The following LDB2 variants were observed in gnomAD, a reference collection of about 807,000 sequenced individuals.
LDB2 encodes the protein LIM domain binding 2, also known as LIM domain-binding protein 2.
A neutral mutation model predicts 44.3 loss-of-function variants in LDB2; 12 were observed. The observed-to-expected ratio is 0.27, with a 90% CI of 0.17 to 0.44. LDB2 has a LOEUF of 0.44. Ranked by LOEUF, LDB2 falls within the 20% of genes least tolerant of loss-of-function variation. The pLI is 1.00. For missense variants in LDB2, 344 were observed against 473.5 expected (o/e 0.73, Z 2.54); for synonymous variants, 164 against 174.8 (o/e 0.94, Z 0.49).
At position 16,791,477 on chromosome 4, in the gene LDB2, C is replaced by T. The variant is rs145113707; in HGVS notation, c.133-32217G>A. On this transcript the variant is annotated intron_variant, in intron 1 of 7. Coordinates refer to ENST00000304523, the MANE Select transcript of LDB2 (RefSeq NM_001290.5). The stretch of plus-strand genomic sequence containing the variant: ...GGCTGAGGCAGGAGAATTGCTTGAA[C>T]GGGGGAGGCGGAGGTTGCAGTGAGC... 2.7e-3 allele frequency among the ~76,000 whole-genome samples: 364 copies of T among 133,946 alleles called. 6 individuals are homozygous for T. Among genetic ancestry groups the T allele is most frequent in the African/African-American group, 9.6e-3 (345 of 36,086 alleles). The allele number at this position is 133,946 out of a possible 152,430, so 87.9% of individuals were successfully genotyped here.
chr4:16,879,558 A>T (rs73129885), intron 1 of LDB2, among the ~76,000 whole-genome samples: 1 of 152,308 alleles, frequency 6.6e-6, no homozygotes, highest in African/African-American at 2.4e-5. Context: ...TGGAATATTG[A>T]TCTTTTCCTA....
intron 1 of LDB2, among the ~76,000 whole-genome samples, chr4:16,833,667 C>T (rs1432059881): frequency 1.3e-5 from 2 of 152,170 alleles, no homozygotes; most frequent in African/African-American, 4.8e-5. Context: ...CTCAGCCTCC[C>T]GAGTAGCTGG....
intron 5 of LDB2, among the ~76,000 whole-genome samples, chr4:16,530,380 A>T (rs2152300432): frequency 6.6e-6 from 1 of 152,270 alleles, no homozygotes; most frequent in East Asian, 1.9e-4. Context: ...AGCTCTTGGA[A>T]AGTTCTTGAA....
chr4:16,742,060 T>C (rs1763371041), intron 2 of LDB2, among the ~76,000 whole-genome samples: 1 of 145,372 alleles, frequency 6.9e-6, no homozygotes, highest in Non-Finnish European at 1.5e-5. Context: ...TTCTTTCTTT[T>C]TTTCTTTTCT....
intron 2 of LDB2, among the ~76,000 whole-genome samples, chr4:16,692,484 A>C (rs1038422351): frequency 7.2e-5 from 11 of 152,202 alleles, no homozygotes; most frequent in Non-Finnish European, 1.6e-4. Context: ...ATGTACAGGT[A>C]CTGGTGCCCT....
intron 1 of LDB2, among the ~76,000 whole-genome samples, chr4:16,836,618 C>T (rs1235093881): frequency 6.6e-6 from 1 of 152,214 alleles, no homozygotes; most frequent in African/African-American, 2.4e-5. Context: ...CTCCTTCCAG[C>T]ATTGCTCCCC....
chr4:16,609,174 G>A (rs888504596), intron 2 of LDB2, among the ~76,000 whole-genome samples: 6 of 152,104 alleles, frequency 3.9e-5, no homozygotes, highest in Admixed American at 2.6e-4. Flanking sequence ...CCCAGCCAAG[G>A]GAGATGGTAA....
At chr4:16,876,950 C>G (rs1718596842) in intron 1 of LDB2, among the ~76,000 whole-genome samples, 1 of 150,306 alleles carries the variant, frequency 6.7e-6, no homozygotes, top group African/African-American at 2.5e-5. Flanking sequence ...CTCTGTCACA[C>G]AGACTGGAGT....
intron 1 of LDB2, among the ~76,000 whole-genome samples, chr4:16,897,492 T>C (rs1725369248): frequency 6.6e-6 from 1 of 152,120 alleles, no homozygotes; most frequent in Admixed American, 6.5e-5. Flanking sequence ...ATATTTAAAT[T>C]GCAGGAGGCG....
chr4:16,724,153 T>A (rs892228165), intron 2 of LDB2, among the ~76,000 whole-genome samples: 1 of 152,086 alleles, frequency 6.6e-6, no homozygotes, highest in Non-Finnish European at 1.5e-5. Flanking sequence ...ATGACAACAA[T>A]AAATTTAAAT....
chr4:16,744,497 C>T (rs533039141), intron 2 of LDB2, among the ~76,000 whole-genome samples: 38 of 150,728 alleles, frequency 2.5e-4, no homozygotes, highest in African/African-American at 8.8e-4. Context: ...TGTTTTGAGA[C>T]GGAGTCTCAC....
At chr4:16,824,741 T>C (rs1782740317) in intron 1 of LDB2, among the ~76,000 whole-genome samples, 1 of 152,352 alleles carries the variant, frequency 6.6e-6, no homozygotes, top group Admixed American at 6.5e-5. Flanking sequence ...CTGAAGAATT[T>C]ACCCACAACA....
At chr4:16,769,196 G>T (rs1475930730) in intron 1 of LDB2, among the ~76,000 whole-genome samples, 2 of 152,154 alleles carry the variant, frequency 1.3e-5, no homozygotes, top group Admixed American at 6.5e-5. Flanking sequence ...AAGACCATTT[G>T]CCCTTGCCAG....
rs74353629 is a variant in LDB2, at chr4:16,683,646, T to C, written c.235+75512A>G. On this transcript the variant is annotated intron_variant, in intron 2 of 7. Transcript: ENST00000304523. ...TTCTATCAGTGAAGACCATTGCCAC[T>C]AGAAATTGTTCACCTTACGAAGGTG... 1.6e-3 allele frequency among the ~76,000 whole-genome samples: 248 copies of C among 152,348 alleles called. 2 individuals carry two copies. The highest frequency in any genetic ancestry group is 5.7e-3 in the African/African-American group (237 of 41,576).
chr4:16,714,514 C>A lies in LDB2; in HGVS notation c.235+44644G>T, dbSNP rs531343662. ...CACCCCTCTGGGAAAAAAATGAGAACACTAGAACAGGTGGCTTCCAAGGTC... is the reference window on the plus strand; with the variant it reads ...CACCCCTCTGGGAAAAAAATGAGAAAACTAGAACAGGTGGCTTCCAAGGTC... On this transcript the variant is annotated intron_variant, in intron 2 of 7. Transcript: ENST00000304523. Among the ~76,000 whole-genome samples, 68 of 152,240 alleles carry A rather than the reference C, an allele frequency of 4.5e-4. 1 individual carries two copies. The South Asian group carries it at 0.014, about 30-fold the overall frequency.
intron 1 of LDB2, among the ~76,000 whole-genome samples, chr4:16,791,604 C>T (rs995235280): frequency 1.4e-3 from 191 of 131,988 alleles, no homozygotes; most frequent in African/African-American, 5.1e-3. Flanking sequence ...GAAGCAGCTG[C>T]TTTTGATTTA....
rs1769157590 is a variant in LDB2 at position 16,766,162 on chromosome 4, C to T, written c.133-6902G>A. On this transcript the variant is annotated intron_variant, in intron 1 of 7. Transcript: ENST00000304523. ...CATATCCTACTCTGTTTTTCTCTCT[C>T]CTCTCTCAGACCTCCATAAATAACT... Among the ~76,000 whole-genome samples the T allele has an allele frequency of 2.6e-5, 4 of 152,008 alleles. No individual in the cohort carries two copies. In the South Asian group the frequency reaches 8.3e-4, roughly 32 times the overall value.
chr4:16,566,575 T>C lies in LDB2; in HGVS notation c.615+19347A>G, dbSNP rs1309679177. Among the ~76,000 whole-genome samples, 5 of 152,066 alleles carry C rather than the reference T, an allele frequency of 3.3e-5. No homozygotes were observed. The East Asian group carries it at 9.6e-4, about 29-fold the overall frequency. ...AAATCACCCCATTTTAAAGGTGGCATTAGAAAACATAGAAGAATATATCAT... is the reference window on the plus strand; with the variant it reads ...AAATCACCCCATTTTAAAGGTGGCACTAGAAAACATAGAAGAATATATCAT... On this transcript the variant is annotated intron_variant, in intron 5 of 7. Coordinates refer to ENST00000304523, the MANE Select transcript of LDB2 (RefSeq NM_001290.5).
rs187435766 is a variant in LDB2, at chr4:16,851,646, T to A, written c.132+46708A>T. Among the ~76,000 whole-genome samples the A allele has an allele frequency of 4.8e-4, 72 of 151,060 alleles. 1 individual carries two copies. The highest frequency in any genetic ancestry group is 6.8e-3 in the Middle Eastern group (2 of 294). ...AAGAAAATTCCAGTAGGTGAACAGG[T>A]AAACACAAAAGATGTCATTAGGATT... On this transcript the variant is annotated intron_variant, in intron 1 of 7. Coordinates refer to ENST00000304523, the MANE Select transcript of LDB2 (RefSeq NM_001290.5).
Sources: allele counts gnomAD v4.1 joint callset (sites outside exome capture counted in the v4.1 genomes callset), GRCh38; gene constraint gnomAD v4.1.1; transcripts MANE v1.5; gene names NCBI Gene and HGNC (gene_info 2026-07-23, HGNC 2026-07-21).